The following PLCG2 variants were observed in gnomAD, a reference collection of about 807,000 sequenced individuals.
PLCG2 encodes 1-phosphatidylinositol 4,5-bisphosphate phosphodiesterase gamma-2.
PLCG2 carries 69 observed loss-of-function variants against 175.6 expected under a neutral mutation model. That is an observed-to-expected ratio of 0.39 (90% confidence interval 0.32 to 0.48). The LOEUF is 0.48. Among genes scored for constraint, PLCG2 ranks in the 20% least tolerant of loss-of-function variants. The probability of loss-of-function intolerance (pLI) is 0.91; values close to 1 mark genes in which losing one functional copy is unlikely to be tolerated. For synonymous variants in PLCG2, 827 were observed against 624.0 expected (o/e 1.33, Z -4.85); for missense variants, 1,798 against 1,650.9 (o/e 1.09, Z -1.54).
intron 2 of PLCG2, among the ~76,000 whole-genome samples, chr16:81,833,469 C>A (rs539659317): frequency 1.4e-4 from 21 of 150,780 alleles, no homozygotes; most frequent in African/African-American, 4.6e-4. Context: ...TCCTGTTAAT[C>A]ACTGACAAGG....
chr16:81,808,866 G>T (rs1904294611), intron 2 of PLCG2, among the ~76,000 whole-genome samples: 2 of 152,186 alleles, frequency 1.3e-5, no homozygotes, highest in East Asian at 1.9e-4. Flanking sequence ...GCAAAATGGG[G>T]CTTATCAGAG....
intron 2 of PLCG2, among the ~76,000 whole-genome samples, chr16:81,760,801 G>C (rs1910026286): frequency 6.6e-6 from 1 of 151,078 alleles, no homozygotes; most frequent in African/African-American, 2.4e-5. Context: ...ATGGTGGCAA[G>C]TACCTATAAT....
intron 2 of PLCG2, among the ~76,000 whole-genome samples, chr16:81,771,923 A>G (rs1018212981): frequency 6.6e-6 from 1 of 152,058 alleles, no homozygotes; most frequent in Non-Finnish European, 1.5e-5. Context: ...AGCTGGGACT[A>G]CAGGCTGTGC....
chr16:81,854,159 A>G (rs1237691121), intron 2 of PLCG2, among the ~76,000 whole-genome samples: 1 of 152,166 alleles, frequency 6.6e-6, no homozygotes, highest in Non-Finnish European at 1.5e-5. Context: ...ACAAAAATTA[A>G]TTGTCCTAGT....
intron 6 of PLCG2, among the ~76,000 whole-genome samples, 171 bp downstream of exon 6, chr16:81,869,469 C>T (rs1056428577): frequency 2.0e-5 from 3 of 152,152 alleles, no homozygotes; most frequent in South Asian, 2.1e-4. Context: ...TGAGGACCAT[C>T]GTCTCAATCC....
chr16:81,847,931 A>G (rs766700211), intron 2 of PLCG2, among the ~76,000 whole-genome samples: 1 of 152,348 alleles, frequency 6.6e-6, no homozygotes, highest in East Asian at 1.9e-4. Flanking sequence ...CTGAGGGATG[A>G]CTGTATATCT....
chr16:81,814,643 C>T (rs997073849), intron 2 of PLCG2, among the ~76,000 whole-genome samples: 1 of 151,860 alleles, frequency 6.6e-6, no homozygotes, highest in Admixed American at 6.6e-5. Flanking sequence ...TGCAGTGAAC[C>T]AAGATCATGC....
At chr16:81,944,540 T>G (rs950385918) in intron 30 of PLCG2, among the ~76,000 whole-genome samples, 1 of 152,190 alleles carries the variant, frequency 6.6e-6, no homozygotes, top group African/African-American at 2.4e-5. Context: ...TCATAGCTCA[T>G]GGCAGCCTCA....
chr16:81,843,598 T>G (rs1402732985), intron 2 of PLCG2, among the ~76,000 whole-genome samples: 1 of 152,228 alleles, frequency 6.6e-6, no homozygotes, highest in Non-Finnish European at 1.5e-5. Flanking sequence ...AATGCCCAAT[T>G]TTTGGGTGCT....
At chr16:81,892,934 T>C (rs576395886) in intron 11 of PLCG2, among the ~76,000 whole-genome samples, 2 of 152,006 alleles carry the variant, frequency 1.3e-5, no homozygotes, top group East Asian at 3.9e-4. Context: ...AACCTCCGCT[T>C]TCCCGGTTCA....
chr16:81,939,837 TA>T, intron 29 of PLCG2, 54 bp from the exon 30 acceptor site: 1 of 1,244,878 alleles, frequency 8.0e-7, no homozygotes, highest in South Asian at 1.2e-5. Flanking sequence ...GAGATTGTCT[TA>T]CCAGAAGGGG....
chr16:81,934,655 C>G, intron 26 of PLCG2, 124 bp downstream of exon 26: 1 of 685,384 alleles, frequency 1.5e-6, no homozygotes, highest in Non-Finnish European at 2.6e-6. Flanking sequence ...CAGTAGATGG[C>G]CCCACCTTGG....
chr16:81,961,436 A>AT lies in PLCG2; in HGVS notation c.*3440dup. 1 of 226,292 alleles carries AT rather than the reference A, an allele frequency of 4.4e-6. No individual in the cohort carries two copies. The highest frequency in any genetic ancestry group is 6.4e-5 in the East Asian group (1 of 15,508). 14.0% of individuals were successfully genotyped at this position (226,292 alleles called of 1,614,324 possible). ...TTAGTGAAATTTGGGCTATGTGTTTATTGATTCAGCTCAATCCAGAGGAAA... is the reference window on the plus strand; with the variant it reads ...TTAGTGAAATTTGGGCTATGTGTTTATTTGATTCAGCTCAATCCAGAGGAAA... On this transcript the variant is annotated 3_prime_UTR_variant, in exon 33 of 33. Transcript: ENST00000564138.
At chr16:81,919,996 C>G (rs1416633004) in intron 20 of PLCG2, among the ~76,000 whole-genome samples, 2 of 152,096 alleles carry the variant, frequency 1.3e-5, no homozygotes, top group African/African-American at 4.8e-5. Flanking sequence ...GAAGATCTCA[C>G]TGAAAAGGAA....
chr16:81,848,730 A>G (rs117902527), intron 2 of PLCG2, among the ~76,000 whole-genome samples: 6,037 of 151,884 alleles, frequency 0.04, 163 homozygotes, highest in Non-Finnish European at 0.059. Flanking sequence ...TGTGCCAGCT[A>G]CTCTGATAGG....
At chr16:81,950,401 G>A (rs927064568) in intron 31 of PLCG2, among the ~76,000 whole-genome samples, 1 of 152,152 alleles carries the variant, frequency 6.6e-6, no homozygotes. Context: ...AAATAGCATA[G>A]TACCTAAGTA....
intron 15 of PLCG2, among the ~76,000 whole-genome samples, chr16:81,906,722 C>G (rs1909385410): frequency 1.3e-5 from 2 of 152,178 alleles, no homozygotes; most frequent in African/African-American, 4.8e-5. Context: ...CTGTACCCAG[C>G]CAAAAATGGC....
chr16:81,848,111 G>C (rs1181804897), intron 2 of PLCG2, among the ~76,000 whole-genome samples: 1 of 152,210 alleles, frequency 6.6e-6, no homozygotes, highest in Non-Finnish European at 1.5e-5. Context: ...AATCAGTACA[G>C]GTGATGTTGG....
chr16:81,748,221 C>T (rs1211163928), intron 1 of PLCG2, among the ~76,000 whole-genome samples: 1 of 152,072 alleles, frequency 6.6e-6, no homozygotes, highest in East Asian at 1.9e-4. Context: ...GAAACTCCAT[C>T]TCTACTAAAA....
Sources: gnomAD v4.1 joint callset for allele counts (sites outside exome capture counted in the v4.1 genomes callset) on GRCh38, gnomAD v4.1.1 for gene constraint, MANE v1.5 for transcripts, NCBI Gene and HGNC (gene_info 2026-07-23, HGNC 2026-07-21) for gene names.